Variants in VCPIP1 observed in about 807,000 individuals in gnomAD.
VCPIP1 encodes deubiquitinating protein VCPIP1.
Under a neutral mutation model 85.0 loss-of-function variants are expected in VCPIP1, and 8 were observed. That is an observed-to-expected ratio of 0.09 (90% CI 0.06 to 0.17). The LOEUF (loss-of-function observed/expected upper bound fraction) is 0.17, where lower values mean the gene tolerates loss of function less well. VCPIP1 is among the 10% of genes least tolerant of loss of function. VCPIP1 has a pLI of 1.00. For missense variants in VCPIP1, 1,070 were observed against 1,486.3 expected (o/e 0.72, Z 4.61); for synonymous variants, 543 against 544.5 (o/e 1.00, Z 0.04).
chr8:66,651,642 A>G (rs1811055111), intron 1 of VCPIP1, 98 bp from the exon 2 acceptor site: 2 of 914,580 alleles, frequency 2.2e-6, no homozygotes, highest in Non-Finnish European at 3.3e-6. Context: ...ATCAAGGCAG[A>G]GCTCCTAAAT....
chr8:66,635,250 C>G lies in VCPIP1; in HGVS notation c.2920G>C (p.Asp974His). The change falls in exon 3 of 3, where the codon GAT (aspartate) becomes CAT (histidine). Residue 974 changes from aspartate to histidine, a missense_variant. Asp to His is a moderately conservative substitution (Grantham distance 81). Transcript: ENST00000310421. ...DAAGHFPIGPDVEDLVKEAVS... is the reference protein window; with the variant it reads ...DAAGHFPIGPHVEDLVKEAVS... Reference sequence around the variant, plus strand: ...GCCTCTTTAACTAAATCTTCAACATCAGGACCAATGGGGAAATGTCCTGCA... The same window carrying G: ...GCCTCTTTAACTAAATCTTCAACATGAGGACCAATGGGGAAATGTCCTGCA... The G allele has an allele frequency of 1.2e-6, 2 of 1,614,208 alleles. No individual in the cohort carries two copies. Among genetic ancestry groups the G allele is most frequent in the Non-Finnish European group, 1.7e-6 (2 of 1,180,038 alleles).
intron 1 of VCPIP1, among the ~76,000 whole-genome samples, chr8:66,657,956 T>C (rs1014113095): frequency 7.2e-5 from 11 of 152,156 alleles, no homozygotes; most frequent in Admixed American, 7.2e-4. Context: ...CTATGCATTA[T>C]TTTTTATTCA....
At chr8:66,661,832 C>T (rs755816965) in intron 1 of VCPIP1, among the ~76,000 whole-genome samples, 7 of 148,320 alleles carry the variant, frequency 4.7e-5, no homozygotes, top group South Asian at 2.2e-4. Context: ...GGCACGATCT[C>T]GGCTCACTGC....
In VCPIP1 at chr8:66,667,140, C is replaced by T; in HGVS notation, c.-182G>A. On this transcript the variant is annotated 5_prime_UTR_variant, in exon 1 of 3. Coordinates refer to ENST00000310421, the MANE Select transcript of VCPIP1 (RefSeq NM_025054.5). ...CCGGACGTTGTTTCTCTTCTTACTT[C>T]TCCACTGCCGTAGCCGTTGCCCCGA... The T allele has an allele frequency of 2.3e-6, 3 of 1,329,748 alleles. No homozygotes were observed. The highest frequency in any genetic ancestry group is 2.9e-6 in the Non-Finnish European group (3 of 1,018,014). 82.4% of individuals were successfully genotyped at this position (1,329,748 alleles called of 1,614,324 possible).
chr8:66,647,085 G>GT (rs1250210417), intron 2 of VCPIP1, among the ~76,000 whole-genome samples: 1 of 152,072 alleles, frequency 6.6e-6, no homozygotes, highest in Non-Finnish European at 1.5e-5. Flanking sequence ...GCTCACGCCT[G>GT]TAATTCCAGC....
chr8:66,656,513 A>G (rs1412981089), intron 1 of VCPIP1, among the ~76,000 whole-genome samples: 1 of 152,226 alleles, frequency 6.6e-6, no homozygotes, highest in South Asian at 2.1e-4. Context: ...AAATATTTAA[A>G]AAGGCAATTT....
rs1342105086 is a variant in VCPIP1, at chr8:66,629,887, T to C, written c.*4614A>G. ...GCGCACTCTTTTTTCACTGGGTCCA[T>C]TTCATCTAGCAATGAAATCTACATT... On this transcript the variant is annotated 3_prime_UTR_variant, in exon 3 of 3. Transcript: ENST00000310421. 2.0e-5 allele frequency: 3 copies of C among 152,120 alleles called. No homozygotes were observed. Among genetic ancestry groups the C allele is most frequent in the African/African-American group, 4.8e-5 (2 of 41,424 alleles). The allele number at this position is 152,120 out of a possible 1,614,324, so 9.4% of individuals were successfully genotyped here.
At chr8:66,645,270 T>C (rs1285020457) in intron 2 of VCPIP1, among the ~76,000 whole-genome samples, 2 of 151,804 alleles carry the variant, frequency 1.3e-5, no homozygotes, top group Admixed American at 6.6e-5. Context: ...ATAAAAAAAT[T>C]AGCTGGGCAT....
At position 66,665,527 on chromosome 8, in the gene VCPIP1, G is replaced by A. The variant is rs770948511; in HGVS notation, c.1432C>T (p.Leu478Phe). 1.2e-6 allele frequency: 2 copies of A among 1,614,078 alleles called. No individual in the cohort carries two copies. The highest frequency in any genetic ancestry group is 1.7e-6 in the Non-Finnish European group (2 of 1,179,968). Residue 478 changes from leucine to phenylalanine, a missense_variant, in exon 1 of 3, where the codon CTT (leucine) becomes TTT (phenylalanine). This residue lies in a region of VCPIP1 where 83 missense variants were observed against 134.6 expected (regional missense o/e 0.62). Transcript: ENST00000310421. The surrounding 1 kb of genome is among the most constrained non-coding windows in gnomAD (Gnocchi z 4.3). ...GCCAACCACTCTGGAGGAACATGAA[G>A]TTCAGAAAGGGCACCACAGAGCAAA... ...KCLLCGALSE[L>F]HVPPEWLAPG...
In VCPIP1 at chr8:66,664,553, T is replaced by A. The variant is rs555268559; in HGVS notation, c.2406A>T (p.Glu802Asp). Residue 802 changes from glutamate to aspartate, a missense_variant, in exon 1 of 3, where the codon GAA (glutamate) becomes GAT (aspartate). Transcript: ENST00000310421. ...GAATGTTGAATTCTCTGGCTATACT[T>A]TCCTGAAGTTCAAAAAAGGTTGTTG... ...KSSTTFFELQ[E>D]SIAREFNIPP... 6.2e-7 allele frequency: 1 copy of A among 1,614,222 alleles called. No homozygotes were observed. Among genetic ancestry groups the A allele is most frequent in the African/African-American group, 1.3e-5 (1 of 75,056 alleles).
Position 66,634,288 on chromosome 8 carries a change from C to A in VCPIP1, c.*213G>T. 2.3e-6 allele frequency: 1 copy of A among 435,350 alleles called. No individual in the cohort carries two copies. Among genetic ancestry groups the A allele is most frequent in the Non-Finnish European group, 3.9e-6 (1 of 253,896 alleles). 27.0% of individuals were successfully genotyped at this position (435,350 alleles called of 1,614,324 possible). On this transcript the variant is annotated 3_prime_UTR_variant, in exon 3 of 3. Coordinates refer to ENST00000310421, the MANE Select transcript of VCPIP1 (RefSeq NM_025054.5). ...AAGAAAGTCATCTCAGCAGATCTAA[C>A]AGCTAATTTATAGAAATTCAGAGCC...
Position 66,666,466 on chromosome 8 carries a change from C to CA in VCPIP1, c.492dup (p.Asp165Ter). The CA allele has an allele frequency of 6.2e-7, 1 of 1,614,210 alleles. No homozygotes were observed. Among genetic ancestry groups the CA allele is most frequent in the African/African-American group, 1.3e-5 (1 of 75,070 alleles). On this transcript the variant is annotated frameshift_variant, in exon 1 of 3. Coordinates refer to ENST00000310421, the MANE Select transcript of VCPIP1 (RefSeq NM_025054.5). LOFTEE classifies it high-confidence loss of function. This position sits in a 1 kb window ranked among gnomAD's most constrained non-coding sequence, Gnocchi z 6.3. Reference sequence around the variant, plus strand: ...TCTGGTTCTATGAGGAAGGCGCGGTCACCCAGTAAGGCGCAATCGAACAGT... The same window carrying CA: ...TCTGGTTCTATGAGGAAGGCGCGGTCAACCCAGTAAGGCGCAATCGAACAGT...
chr8:66,642,066 G>T (rs1586623304), intron 2 of VCPIP1, among the ~76,000 whole-genome samples: 2 of 152,164 alleles, frequency 1.3e-5, no homozygotes, highest in East Asian at 3.8e-4. Context: ...ATGTATGAGG[G>T]TTCCAATTTC....
chr8:66,634,633 T>C lies in VCPIP1; in HGVS notation c.3537A>G (p.Val1179=), dbSNP rs761299575. The C allele has an allele frequency of 1.2e-6, 2 of 1,614,230 alleles. No individual in the cohort carries two copies. Among genetic ancestry groups the C allele is most frequent in the South Asian group, 2.2e-5 (2 of 91,090 alleles). ...NLNTETTDGC[V]ADALGAAFAT... ...CAAAGGCTGCTCCCAGTGCATCTGC[T>C]ACACAGCCATCAGTTGTTTCTGTAT... The change falls in exon 3 of 3, where the codon GTA becomes GTG. Residue 1179 remains valine, a synonymous_variant. Coordinates refer to ENST00000310421, the MANE Select transcript of VCPIP1 (RefSeq NM_025054.5).
intron 2 of VCPIP1, among the ~76,000 whole-genome samples, chr8:66,643,708 G>A (rs574443499): frequency 4.0e-5 from 6 of 150,736 alleles, no homozygotes; most frequent in Admixed American, 6.6e-5. Context: ...GTCTCAAAAA[G>A]TAAAATAAAG....
intron 2 of VCPIP1, among the ~76,000 whole-genome samples, chr8:66,650,390 C>T (rs1050108942): frequency 2.0e-5 from 3 of 151,976 alleles, no homozygotes; most frequent in Non-Finnish European, 4.4e-5. Context: ...CCTACAGTGG[C>T]CAGGTAGGTG....
At chr8:66,662,866 C>T (rs1380914285) in intron 1 of VCPIP1, among the ~76,000 whole-genome samples, 3 of 151,834 alleles carry the variant, frequency 2.0e-5, no homozygotes, top group Admixed American at 6.6e-5. Context: ...CACTAGCATT[C>T]GTATTTAAGT....
intron 2 of VCPIP1, among the ~76,000 whole-genome samples, chr8:66,649,783 GAC>G (rs1811034546): frequency 6.6e-6 from 1 of 152,034 alleles, no homozygotes; most frequent in South Asian, 2.1e-4. Flanking sequence ...TTGGTTACAT[GAC>G]TATATATGTT....
At position 66,666,922 on chromosome 8, in the gene VCPIP1, G is replaced by A. The variant is rs1811222196; in HGVS notation, c.37C>T (p.Pro13Ser). Residue 13 changes from proline (P) to serine (S), a missense_variant, in exon 1 of 3, where the codon CCG becomes TCG. Coordinates refer to ENST00000310421, the MANE Select transcript of VCPIP1 (RefSeq NM_025054.5). The surrounding 1 kb of genome is among the most constrained non-coding windows in gnomAD (Gnocchi z 6.3). ...GGAGCCTCAGGGGGAGGAGGTGGCG[G>A]CGGCAACGGAGGCGGCGGCGGCGGC... ...QPPPPPPPLP[P>S]PPPPPEAPQT... is the part of the protein sequence containing the mutation. 2 of 1,586,592 alleles carry A rather than the reference G, an allele frequency of 1.3e-6. No homozygotes were observed. The highest frequency in any genetic ancestry group is 1.4e-5 in the African/African-American group (1 of 72,874).
Sources: allele counts gnomAD v4.1 joint callset (sites outside exome capture counted in the v4.1 genomes callset), GRCh38; gene constraint gnomAD v4.1.1; regional missense constraint gnomAD v4.1.1; non-coding constraint Gnocchi (gnomAD v3.1); transcripts MANE v1.5; gene names NCBI Gene and HGNC (gene_info 2026-07-23, HGNC 2026-07-21).